Variants in RPS6KC1 observed in about 807,000 individuals in gnomAD.
RPS6KC1 encodes the protein inactive ribosomal protein S6 kinase delta-1.
In RPS6KC1, 54 loss-of-function variants were observed where a neutral mutation model predicts 103.8. That is an observed-to-expected ratio of 0.52 (90% CI 0.42 to 0.65). RPS6KC1 has a LOEUF of 0.65. RPS6KC1 is among the 30% of genes least tolerant of loss of function. The pLI, the probability that RPS6KC1 is intolerant of heterozygous loss-of-function variation, is 0.00. For synonymous variants in RPS6KC1, 439 were observed against 438.7 expected (o/e 1.00, Z -0.01); for missense variants, 1,151 against 1,253.8 (o/e 0.92, Z 1.24).
the RPS6KC1 span, among the ~76,000 whole-genome samples, chr1:213,416,453 G>A: frequency 5.9e-5 from 9 of 152,232 alleles, no homozygotes; most frequent in African/African-American, 2.2e-4. Flanking sequence ...GCCTGGCTTG[G>A]CCAGTAAAGG....
At chr1:213,644,598 C>G in the RPS6KC1 span, among the ~76,000 whole-genome samples, 43,716 of 151,574 alleles carry the variant, frequency 0.29, 7,315 homozygotes, top group African/African-American at 0.48. Flanking sequence ...TTTCCAGAAT[C>G]TCATATAGTT....
the RPS6KC1 span, among the ~76,000 whole-genome samples, chr1:213,824,455 G>A: frequency 6.6e-6 from 1 of 152,082 alleles, no homozygotes; most frequent in African/African-American, 2.4e-5. Flanking sequence ...AAAGCAAAAG[G>A]CTCTCTGAAA....
At chr1:213,127,145 T>C (rs2085076278) in intron 5 of RPS6KC1, among the ~76,000 whole-genome samples, 1 of 152,162 alleles carries the variant, frequency 6.6e-6, no homozygotes. Context: ...GATCTCTGGG[T>C]GTTTCTGAGA....
At chr1:213,780,849 C>T in the RPS6KC1 span, among the ~76,000 whole-genome samples, 1 of 152,118 alleles carries the variant, frequency 6.6e-6, no homozygotes, top group Admixed American at 6.5e-5. Context: ...CATGGTGAAA[C>T]CCATTTCTAC....
intron 3 of RPS6KC1, among the ~76,000 whole-genome samples, chr1:213,096,506 T>C (rs1429773901): frequency 2.0e-5 from 3 of 151,900 alleles, no homozygotes; most frequent in African/African-American, 7.3e-5. Context: ...CTGGCAAACA[T>C]GGTGAAAAAT....
At chr1:213,059,180 A>G (rs2077603113) in intron 1 of RPS6KC1, among the ~76,000 whole-genome samples, 1 of 152,224 alleles carries the variant, frequency 6.6e-6, no homozygotes. Context: ...ATATGTATAC[A>G]TGTGCCATGT....
intron 14 of RPS6KC1, among the ~76,000 whole-genome samples, chr1:213,268,861 A>G (rs1246854047): frequency 6.6e-6 from 1 of 152,094 alleles, no homozygotes; most frequent in Non-Finnish European, 1.5e-5. Flanking sequence ...CCTAAAAACT[A>G]AATACTAAAT....
intron 8 of RPS6KC1, among the ~76,000 whole-genome samples, chr1:213,216,005 C>G (rs2093648475): frequency 1.3e-5 from 2 of 152,176 alleles, no homozygotes; most frequent in Non-Finnish European, 1.5e-5. Flanking sequence ...ATCATAATGA[C>G]AGGATCAAAT....
intron 3 of RPS6KC1, among the ~76,000 whole-genome samples, chr1:213,080,052 A>G (rs987297068): frequency 6.6e-6 from 1 of 151,140 alleles, no homozygotes; most frequent in African/African-American, 2.4e-5. Flanking sequence ...GAGTAGCTGG[A>G]ATTACAGACA....
At chr1:213,718,727 G>T in the RPS6KC1 span, among the ~76,000 whole-genome samples, 2 of 152,216 alleles carry the variant, frequency 1.3e-5, no homozygotes, top group Non-Finnish European at 2.9e-5. Flanking sequence ...TGAACGGCTT[G>T]TTCTCATCCA....
the RPS6KC1 span, among the ~76,000 whole-genome samples, chr1:213,826,105 G>A: frequency 6.6e-6 from 1 of 152,134 alleles, no homozygotes; most frequent in Non-Finnish European, 1.5e-5. Context: ...GAACTTTAGG[G>A]AATGCAGAAA....
chr1:213,668,088 A>T, the RPS6KC1 span, among the ~76,000 whole-genome samples: 963 of 152,286 alleles, frequency 6.3e-3, 12 homozygotes, highest in African/African-American at 0.022. Context: ...GTTGATATGG[A>T]TATTTTGACC....
intron 12 of RPS6KC1, among the ~76,000 whole-genome samples, chr1:213,245,112 C>T (rs988203298): frequency 1.3e-5 from 2 of 152,058 alleles, no homozygotes; most frequent in African/African-American, 4.8e-5. Context: ...GTGCTCGTAC[C>T]CCTTACTTAT....
At chr1:213,787,050 A>C in the RPS6KC1 span, among the ~76,000 whole-genome samples, 1 of 152,170 alleles carries the variant, frequency 6.6e-6, no homozygotes. Flanking sequence ...TAAGAGATAA[A>C]CTGACAACGG....
At chr1:213,667,984 T>C in the RPS6KC1 span, among the ~76,000 whole-genome samples, 1 of 152,226 alleles carries the variant, frequency 6.6e-6, no homozygotes, top group African/African-American at 2.4e-5. Context: ...GTTCTCTTGC[T>C]ATTTCTACTA....
At chr1:213,392,228 G>A in the RPS6KC1 span, among the ~76,000 whole-genome samples, 1 of 152,040 alleles carries the variant, frequency 6.6e-6, no homozygotes, top group South Asian at 2.1e-4. Context: ...TCTGCTTCTG[G>A]TGCTGTTGAA....
chr1:213,505,757 T>G, the RPS6KC1 span, among the ~76,000 whole-genome samples: 1 of 152,188 alleles, frequency 6.6e-6, no homozygotes, highest in African/African-American at 2.4e-5. Context: ...TCTTGACCAC[T>G]TCACTCTACA....
chr1:213,609,811 A>G, the RPS6KC1 span, among the ~76,000 whole-genome samples: 90 of 148,226 alleles, frequency 6.1e-4, no homozygotes, highest in African/African-American at 2.1e-3. Flanking sequence ...TTTTGCACCA[A>G]CCTAATAAAT....
At chr1:213,467,627 T>C in the RPS6KC1 span, among the ~76,000 whole-genome samples, 1 of 152,202 alleles carries the variant, frequency 6.6e-6, no homozygotes, top group Non-Finnish European at 1.5e-5. Context: ...AAGAAATAGA[T>C]TGGGATTGAG....
Sources: allele counts gnomAD v4.1 joint callset (sites outside exome capture counted in the v4.1 genomes callset), GRCh38; gene constraint gnomAD v4.1.1; transcripts MANE v1.5; gene names NCBI Gene and HGNC (gene_info 2026-07-23, HGNC 2026-07-21).